Variants in MYO3B observed in about 807,000 individuals in gnomAD.
MYO3B encodes the protein myosin-IIIb.
In MYO3B, 156 loss-of-function variants were observed where a neutral mutation model predicts 174.6. The ratio of observed to expected loss-of-function variants is 0.89; its 90% confidence interval spans 0.78 to 1.02. MYO3B has a LOEUF of 1.02. MYO3B is among the 50% of genes least tolerant of loss of function. MYO3B has a pLI of 0.00. For synonymous variants in MYO3B, 563 were observed against 569.1 expected, an observed-to-expected ratio of 0.99 and a Z score of 0.15; for missense variants, 1,632 against 1,639.4, an observed-to-expected ratio of 1.00 and a Z score of 0.08.
intron 32 of MYO3B, among the ~76,000 whole-genome samples, chr2:170,620,436 T>C (rs1262554162): frequency 1.3e-5 from 2 of 152,240 alleles, no homozygotes; most frequent in Non-Finnish European, 2.9e-5. Flanking sequence ...TCTCTGCCTC[T>C]TTCTCTATAG....
At chr2:170,541,200 G>A (rs1239998611) in intron 30 of MYO3B, among the ~76,000 whole-genome samples, 1 of 152,138 alleles carries the variant, frequency 6.6e-6, no homozygotes, top group Non-Finnish European at 1.5e-5. Context: ...GTCAGGAAAG[G>A]CATAAATTAG....
At chr2:170,593,339 G>A (rs148063096) in intron 32 of MYO3B, among the ~76,000 whole-genome samples, 4,558 of 152,268 alleles carry the variant, frequency 0.03, 81 homozygotes, top group Middle Eastern at 0.054. Flanking sequence ...CTGGGCTCAC[G>A]CGATCCTCCC....
chr2:170,581,046 G>A (rs1341850670), intron 32 of MYO3B, among the ~76,000 whole-genome samples: 1 of 152,108 alleles, frequency 6.6e-6, no homozygotes, highest in African/African-American at 2.4e-5. Context: ...TCCCTAGGAA[G>A]GAATTGCTAA....
chr2:170,537,224 A>G (rs28379497), intron 30 of MYO3B, among the ~76,000 whole-genome samples: 2 of 148,844 alleles, frequency 1.3e-5, no homozygotes, highest in Non-Finnish European at 3.0e-5. Context: ...AACAAAAAAC[A>G]AAAAGTATCC....
At chr2:170,204,705 C>T (rs906737784) in intron 3 of MYO3B, among the ~76,000 whole-genome samples, 13 of 152,232 alleles carry the variant, frequency 8.5e-5, no homozygotes, top group African/African-American at 1.7e-4. Context: ...GGAGGAACTG[C>T]AGGAATGAAA....
intron 32 of MYO3B, among the ~76,000 whole-genome samples, chr2:170,560,958 T>C (rs1691672519): frequency 1.3e-5 from 2 of 152,212 alleles, no homozygotes. Flanking sequence ...TCCTTTTTTG[T>C]CCTTCACTGC....
At chr2:170,475,815 A>C (rs1274148790) in intron 25 of MYO3B, among the ~76,000 whole-genome samples, 1 of 152,226 alleles carries the variant, frequency 6.6e-6, no homozygotes, top group Non-Finnish European at 1.5e-5. Flanking sequence ...GAGGCAAAGC[A>C]ATTCCATCTT....
At position 170,190,353 on chromosome 2, in the gene MYO3B, C is replaced by A. The variant is rs185761700; in HGVS notation, c.3-8855C>A. Among the ~76,000 whole-genome samples, 8 of 152,286 alleles carry A rather than the reference C, an allele frequency of 5.3e-5. No homozygotes were observed. In the East Asian group the frequency reaches 1.5e-3, roughly 29 times the overall value. On this transcript the variant is annotated intron_variant, in intron 1 of 34. Coordinates refer to ENST00000408978, the MANE Select transcript of MYO3B (RefSeq NM_138995.5). Reference sequence around the variant, plus strand: ...AAGGCCTGCAGTAACCACTGCCTGGCTACTGCCTACATTTACTCAAGGCCC... The same window carrying A: ...AAGGCCTGCAGTAACCACTGCCTGGATACTGCCTACATTTACTCAAGGCCC...
At chr2:170,434,041 C>G (rs2094731536) in intron 22 of MYO3B, among the ~76,000 whole-genome samples, 1 of 152,200 alleles carries the variant, frequency 6.6e-6, no homozygotes, top group South Asian at 2.1e-4. Flanking sequence ...TACACATGAT[C>G]TCCTTTTCTT....
At chr2:170,430,216 T>C (rs896297482) in intron 22 of MYO3B, among the ~76,000 whole-genome samples, 2 of 152,022 alleles carry the variant, frequency 1.3e-5, no homozygotes, top group African/African-American at 4.8e-5. Flanking sequence ...ATAGAAGGCC[T>C]TTACTGTATT....
chr2:170,326,094 C>G (rs1233204997), intron 7 of MYO3B, among the ~76,000 whole-genome samples: 2 of 151,520 alleles, frequency 1.3e-5, no homozygotes, highest in African/African-American at 2.4e-5. Flanking sequence ...GGCCCTCCCC[C>G]ATACCACTGT....
chr2:170,218,208 A>G (rs984055120), intron 6 of MYO3B, among the ~76,000 whole-genome samples: 4 of 152,256 alleles, frequency 2.6e-5, no homozygotes, highest in East Asian at 1.9e-4. Context: ...AAATTTCTTC[A>G]GTGACCTCCC....
intron 9 of MYO3B, among the ~76,000 whole-genome samples, chr2:170,379,197 T>G (rs201533205): frequency 0.5 from 56,404 of 112,806 alleles, 9,977 homozygotes; most frequent in East Asian, 0.59. Flanking sequence ...TGGTACAATT[T>G]TTTTTTTTTT....
At chr2:170,540,611 C>T (rs144290845) in intron 30 of MYO3B, among the ~76,000 whole-genome samples, 131 of 150,182 alleles carry the variant, frequency 8.7e-4, no homozygotes, top group Admixed American at 2.4e-3. Context: ...TTGGTAGTGA[C>T]GGATTGCAGA....
chr2:170,543,954 A>C lies in MYO3B; in HGVS notation c.3699A>C (p.Gln1233His). 1 of 1,613,318 alleles carries C rather than the reference A, an allele frequency of 6.2e-7. No individual in the cohort carries two copies. The highest frequency in any genetic ancestry group is 8.5e-7 in the Non-Finnish European group (1 of 1,179,390). The change falls in exon 32 of 35, where the codon CAA becomes CAC. Residue 1233 changes from glutamine to histidine, a missense_variant. Physicochemically the swap from Gln to His is conservative, Grantham distance 24 (BLOSUM62 0). Transcript: ENST00000408978. ...SRICHPAPDQ[Q>H]GLSLWGAPQK... Reference sequence around the variant, plus strand: ...TATGCCATCCTGCTCCAGATCAGCAAGGATTGAGTCTCTGGGGAGCCCCTC... The same window carrying C: ...TATGCCATCCTGCTCCAGATCAGCACGGATTGAGTCTCTGGGGAGCCCCTC...
intron 22 of MYO3B, among the ~76,000 whole-genome samples, chr2:170,436,308 A>G (rs2094753480): frequency 6.6e-6 from 1 of 152,180 alleles, no homozygotes; most frequent in Non-Finnish European, 1.5e-5. Flanking sequence ...TGTGAACACT[A>G]TTTACATTTA....
chr2:170,200,156 G>C lies in MYO3B; in HGVS notation c.193G>C (p.Asp65His), dbSNP rs1359476891. 1 of 1,612,518 alleles carries C rather than the reference G, an allele frequency of 6.2e-7. No individual in the cohort carries two copies. The highest frequency in any genetic ancestry group is 1.1e-5 in the South Asian group (1 of 90,820). ...VKILDPVSDM[D>H]EEIEAEYNIL... ...ATTTTTCTACCCTGTTTAGGATATGGATGAAGAAATTGAGGCAGAATACAA... is the reference window on the plus strand; with the variant it reads ...ATTTTTCTACCCTGTTTAGGATATGCATGAAGAAATTGAGGCAGAATACAA... The change falls in exon 3 of 35, where the codon GAT becomes CAT. Residue 65 changes from aspartate to histidine, a missense_variant. Physicochemically the swap from Asp to His is moderately conservative, Grantham distance 81. Transcript: ENST00000408978.
chr2:170,422,884 T>G (rs1392270642), intron 22 of MYO3B, among the ~76,000 whole-genome samples: 7 of 152,008 alleles, frequency 4.6e-5, no homozygotes, highest in Non-Finnish European at 7.4e-5. Context: ...GTTATTGAAA[T>G]AGTTTACTTT....
At chr2:170,368,122 G>C (rs10930423) in intron 8 of MYO3B, among the ~76,000 whole-genome samples, 72,925 of 152,184 alleles carry the variant, frequency 0.48, 21,020 homozygotes, top group Non-Finnish European at 0.63. Flanking sequence ...CAAGAACTCT[G>C]CTTAAGTGTT....
Sources: allele counts gnomAD v4.1 joint callset (sites outside exome capture counted in the v4.1 genomes callset), GRCh38; gene constraint gnomAD v4.1.1; transcripts MANE v1.5; gene names NCBI Gene and HGNC (gene_info 2026-07-23, HGNC 2026-07-21).